DIP2C: variants seen among roughly 807,000 people sequenced by gnomAD.
DIP2C encodes the protein DIP2 acetate--CoA ligase C (putative).
Under a neutral mutation model 192.4 loss-of-function variants are expected in DIP2C, and 33 were observed. That is an observed-to-expected ratio of 0.17 (90% CI 0.13 to 0.23). The LOEUF (loss-of-function observed/expected upper bound fraction) is 0.23. Ranked by LOEUF, DIP2C falls within the 10% of genes least tolerant of loss-of-function variation. The pLI is 1.00. For missense variants in DIP2C, 1,537 were observed against 2,110.1 expected (o/e 0.73, Z 5.32); for synonymous variants, 979 against 864.1 (o/e 1.13, Z -2.33).
At chr10:537,389 TTAAC>T (rs1847749118) in intron 1 of DIP2C, among the ~76,000 whole-genome samples, 1 of 152,304 alleles carries the variant, frequency 6.6e-6, no homozygotes, top group Middle Eastern at 3.4e-3. Context: ...ATACCCATCG[TTAAC>T]TAATAAGGAT....
chr10:335,940 C>T (rs1239108474), intron 29 of DIP2C, among the ~76,000 whole-genome samples: 2 of 152,154 alleles, frequency 1.3e-5, no homozygotes, highest in African/African-American at 4.8e-5. Flanking sequence ...GCTCTGTCAC[C>T]CAGGCTTGAG....
intron 1 of DIP2C, among the ~76,000 whole-genome samples, chr10:578,717 G>A (rs912655075): frequency 1.3e-5 from 2 of 152,036 alleles, no homozygotes; most frequent in African/African-American, 4.8e-5. Flanking sequence ...CATACTATAT[G>A]TACATAGGTA....
chr10:545,479 G>T, intron 1 of DIP2C, among the ~76,000 whole-genome samples: 1 of 152,064 alleles, frequency 6.6e-6, no homozygotes, highest in East Asian at 1.9e-4. Flanking sequence ...TTATAATAGA[G>T]AATTTAGACA....
intron 3 of DIP2C, among the ~76,000 whole-genome samples, chr10:450,937 A>G (rs1384051291): frequency 1.3e-5 from 2 of 152,252 alleles, no homozygotes; most frequent in African/African-American, 4.8e-5. Context: ...GTATGTGCGT[A>G]CATGTATGTA....
intron 1 of DIP2C, among the ~76,000 whole-genome samples, chr10:644,999 C>A (rs1351625100): frequency 1.3e-5 from 2 of 152,212 alleles, no homozygotes; most frequent in Admixed American, 6.5e-5. Context: ...CCTGAAGAGG[C>A]ACCTAAAAGC....
intron 1 of DIP2C, among the ~76,000 whole-genome samples, chr10:573,774 A>AC (rs1849972473): frequency 6.6e-6 from 1 of 152,210 alleles, no homozygotes; most frequent in Non-Finnish European, 1.5e-5. Context: ...TTAAAAAAAA[A>AC]GAACAAGTAA....
chr10:524,320 C>G (rs151255886), intron 1 of DIP2C, among the ~76,000 whole-genome samples: 1 of 152,178 alleles, frequency 6.6e-6, no homozygotes, highest in African/African-American at 2.4e-5. Context: ...TCACAGGGTC[C>G]CTGCTCAGAT....
intron 1 of DIP2C, among the ~76,000 whole-genome samples, chr10:594,863 G>A (rs896580763): frequency 3.9e-5 from 6 of 152,210 alleles, no homozygotes; most frequent in Admixed American, 3.3e-4. Context: ...AGGAAATGAT[G>A]AGCCTGATTC....
chr10:345,185 T>C (rs745927156), intron 26 of DIP2C, 75 bp from the exon 27 acceptor site: 1 of 1,335,644 alleles, frequency 7.5e-7, no homozygotes, highest in Non-Finnish European at 1.0e-6. Context: ...ACGGGTCTCC[T>C]GCTTACTACA....
At chr10:461,546 G>C (rs533542541) in intron 3 of DIP2C, among the ~76,000 whole-genome samples, 2 of 152,282 alleles carry the variant, frequency 1.3e-5, no homozygotes, top group East Asian at 3.9e-4. Flanking sequence ...CAAGTTCTTA[G>C]ATACCTACCA....
At chr10:540,257 A>G (rs1251926192) in intron 1 of DIP2C, among the ~76,000 whole-genome samples, 1 of 152,258 alleles carries the variant, frequency 6.6e-6, no homozygotes, top group Non-Finnish European at 1.5e-5. Context: ...ATGTACTTGG[A>G]AACTTTCAAG....
chr10:412,806 A>G (rs767099035), intron 8 of DIP2C, among the ~76,000 whole-genome samples: 10 of 152,238 alleles, frequency 6.6e-5, no homozygotes, highest in Non-Finnish European at 1.2e-4. Flanking sequence ...AACAAAAGCT[A>G]AAGTTAAAAA....
intron 8 of DIP2C, among the ~76,000 whole-genome samples, chr10:412,071 C>CA (rs1423015347): frequency 6.6e-6 from 1 of 152,176 alleles, no homozygotes; most frequent in Middle Eastern, 3.2e-3. Context: ...TATGAATATT[C>CA]AGTCTGTGTC....
intron 1 of DIP2C, among the ~76,000 whole-genome samples, chr10:688,661 T>TC (rs1001330370): frequency 6.9e-6 from 1 of 145,666 alleles, no homozygotes; most frequent in Non-Finnish European, 1.5e-5. Context: ...ACTTCAGTGG[T>TC]TTTGGGGAAA....
intron 6 of DIP2C, among the ~76,000 whole-genome samples, chr10:417,992 CCACCTG>C (rs1326085705): frequency 2.1e-5 from 2 of 96,144 alleles, no homozygotes; most frequent in South Asian, 4.0e-4. Context: ...GCCTCCCTGT[CCACCTG>C]CACCTGTCAG....
At chr10:372,805 CA>C (rs1961145850) in intron 17 of DIP2C, among the ~76,000 whole-genome samples, 11 of 151,300 alleles carry the variant, frequency 7.3e-5, no homozygotes, top group African/African-American at 2.7e-4. Context: ...GGCACACAGG[CA>C]GGCACAGAAG....
chr10:626,350 T>C (rs1400296760), intron 1 of DIP2C, among the ~76,000 whole-genome samples: 3 of 151,982 alleles, frequency 2.0e-5, no homozygotes, highest in Admixed American at 1.3e-4. Context: ...TCCTGTTGAC[T>C]TCACTCTGGG....
At chr10:490,139 C>T (rs1370839441) in intron 1 of DIP2C, among the ~76,000 whole-genome samples, 1 of 116,736 alleles carries the variant, frequency 8.6e-6, no homozygotes, top group African/African-American at 3.1e-5. Context: ...ACACCAGGGA[C>T]ACGGTGGCTC....
chr10:424,162 C>T (rs1378965171), intron 4 of DIP2C, among the ~76,000 whole-genome samples: 1 of 152,098 alleles, frequency 6.6e-6, no homozygotes, highest in African/African-American at 2.4e-5. Context: ...GCAGCTCCAG[C>T]CATCGGGTGA....
Sources: gnomAD v4.1 joint callset for allele counts (sites outside exome capture counted in the v4.1 genomes callset) on GRCh38, gnomAD v4.1.1 for gene constraint, MANE v1.5 for transcripts, NCBI Gene and HGNC (gene_info 2026-07-23, HGNC 2026-07-21) for gene names.